Variants in TRPM3 observed in about 807,000 individuals in gnomAD.
The protein encoded by TRPM3 is long transient receptor potential channel 3.
TRPM3 carries 77 observed loss-of-function variants against 181.2 expected under a neutral mutation model. That is an observed-to-expected ratio of 0.42 (90% CI 0.35 to 0.51). The LOEUF is 0.51. Ranked by LOEUF, TRPM3 falls within the 20% of genes least tolerant of loss-of-function variation. The pLI is 0.01. For missense variants in TRPM3, 1,759 were observed against 2,196.7 expected (o/e 0.80, Z 3.98); for synonymous variants, 745 against 796.4 (o/e 0.94, Z 1.09).
chr9:71,404,822 C>T (rs772314740), intron 1 of TRPM3, among the ~76,000 whole-genome samples: 2 of 152,146 alleles, frequency 1.3e-5, no homozygotes, highest in Non-Finnish European at 2.9e-5. Context: ...AAACCAGGTC[C>T]TTTTGTACCT....
chr9:71,352,719 C>T (rs2091709389), intron 1 of TRPM3, among the ~76,000 whole-genome samples: 2 of 152,166 alleles, frequency 1.3e-5, no homozygotes, highest in African/African-American at 4.8e-5. Context: ...TTTAGTATCT[C>T]TTCCAGTTGT....
intron 1 of TRPM3, among the ~76,000 whole-genome samples, chr9:71,096,660 C>T (rs1351663979): frequency 6.7e-6 from 1 of 148,262 alleles, no homozygotes; most frequent in Non-Finnish European, 1.5e-5. Flanking sequence ...GAAGGAGGTA[C>T]AAGGTACAAG....
At chr9:70,621,018 ATAT>A (rs991008949) in intron 15 of TRPM3, among the ~76,000 whole-genome samples, 4 of 146,126 alleles carry the variant, frequency 2.7e-5, no homozygotes, top group Admixed American at 2.1e-4. Context: ...TTATATATAT[ATAT>A]TATTATATAT....
intron 1 of TRPM3, among the ~76,000 whole-genome samples, chr9:71,157,511 C>T (rs997337861): frequency 2.0e-5 from 3 of 152,036 alleles, no homozygotes; most frequent in Non-Finnish European, 2.9e-5. Context: ...AAGAGCAGGA[C>T]GAGATTAAGC....
chr9:71,116,605 G>A (rs370287958), intron 1 of TRPM3, among the ~76,000 whole-genome samples: 2 of 152,118 alleles, frequency 1.3e-5, no homozygotes, highest in African/African-American at 4.8e-5. Context: ...GGCAGAATTT[G>A]TGCTGATCTG....
At chr9:71,365,423 T>C (rs1430271759) in intron 1 of TRPM3, among the ~76,000 whole-genome samples, 1 of 152,160 alleles carries the variant, frequency 6.6e-6, no homozygotes, top group Non-Finnish European at 1.5e-5. Flanking sequence ...AACTGTTTCC[T>C]TTACCTTAAT....
intron 1 of TRPM3, among the ~76,000 whole-genome samples, chr9:71,369,266 A>G (rs1336182348): frequency 6.6e-6 from 1 of 152,160 alleles, no homozygotes; most frequent in Non-Finnish European, 1.5e-5. Context: ...GGAGGAGAAA[A>G]AAGAGGGAAA....
chr9:71,407,100 T>C (rs2131418541), intron 1 of TRPM3, among the ~76,000 whole-genome samples: 1 of 152,320 alleles, frequency 6.6e-6, no homozygotes, highest in Admixed American at 6.5e-5. Flanking sequence ...ATCAATAACT[T>C]GACTTTTGTT....
intron 1 of TRPM3, among the ~76,000 whole-genome samples, chr9:71,157,798 A>G (rs1587697642): frequency 6.6e-6 from 1 of 152,172 alleles, no homozygotes; most frequent in Non-Finnish European, 1.5e-5. Context: ...TGAGTTAAAG[A>G]TATGGTATTT....
intron 1 of TRPM3, among the ~76,000 whole-genome samples, chr9:71,195,285 C>A (rs2078276972): frequency 6.6e-6 from 1 of 151,914 alleles, no homozygotes; most frequent in South Asian, 2.1e-4. Flanking sequence ...TATCTAGCAT[C>A]TAGAAGGAAC....
chr9:71,155,177 CTT>C (rs2134656218), intron 1 of TRPM3, among the ~76,000 whole-genome samples: 1 of 152,210 alleles, frequency 6.6e-6, no homozygotes, highest in Non-Finnish European at 1.5e-5. Flanking sequence ...TACATGTAGA[CTT>C]TGTGTCTACC....
intron 1 of TRPM3, among the ~76,000 whole-genome samples, chr9:71,306,699 C>A (rs1489692164): frequency 1.3e-5 from 2 of 152,100 alleles, no homozygotes; most frequent in Admixed American, 6.5e-5. Flanking sequence ...CATGATGAAA[C>A]CCTGTCTCTA....
At position 71,399,521 on chromosome 9, in the gene TRPM3, C is replaced by CTTTTTTTTTTTTTTTTTT. The variant is rs1415739241; in HGVS notation, c.183+47131_183+47132insAAAAAAAAAAAAAAAAAA. 6.5e-5 allele frequency among the ~76,000 whole-genome samples: 7 copies of CTTTTTTTTTTTTTTTTTT among 107,520 alleles called. 2 individuals carry two copies. The highest frequency in any genetic ancestry group is 1.0e-4 in the Non-Finnish European group (5 of 49,506). The allele number at this position is 107,520 out of a possible 152,430, so 70.5% of individuals were successfully genotyped here. A position where few individuals can be genotyped will look rare whatever the true frequency, so the allele number is the denominator to read the frequency against. On this transcript the variant is annotated intron_variant, in intron 1 of 24. Coordinates refer to the TRPM3 transcript ENST00000357533. ...ATATTCATTTTACTCCTTATATTTT[C>CTTTTTTTTTTTTTTTTTT]TTTTGTTTTTTTTTTTTTTTTTTTT...
intron 1 of TRPM3, among the ~76,000 whole-genome samples, chr9:70,978,627 G>A (rs948868468): frequency 2.6e-5 from 4 of 152,166 alleles, no homozygotes; most frequent in Admixed American, 6.5e-5. Context: ...GCCTCCATGA[G>A]GAAATGTACT....
chr9:71,249,390 G>A (rs1208972256), intron 1 of TRPM3, among the ~76,000 whole-genome samples: 6 of 152,134 alleles, frequency 3.9e-5, no homozygotes, highest in Non-Finnish European at 8.8e-5. Context: ...ATCAGAGGAA[G>A]TTACATAAGC....
intron 6 of TRPM3, among the ~76,000 whole-genome samples, chr9:70,787,763 C>CTTTTTTTTTGTTTTTTTTTTTTGTTTT (rs2084043653): frequency 1.5e-5 from 1 of 68,558 alleles, no homozygotes; most frequent in African/African-American, 5.8e-5. Context: ...TTTTTGGATT[C>CTTTTTTTTTGTTTTTTTTTTTTGTTTT]TTTTTTTTTT....
chr9:71,212,333 T>C lies in TRPM3; in HGVS notation c.183+234320A>G, dbSNP rs77297579. On this transcript the variant is annotated intron_variant, in intron 1 of 24. Transcript: ENST00000357533. ...TATGTTGTCCAGGCTTGTGATTTCA[T>C]GTTCCTTATATTGAGGTTTGGTGTA... 4.2e-3 allele frequency among the ~76,000 whole-genome samples: 634 copies of C among 152,316 alleles called. 4 individuals carry two copies. The highest frequency in any genetic ancestry group is 0.015 in the African/African-American group (611 of 41,566).
At chr9:70,598,036 T>C (rs901511087) in intron 21 of TRPM3, among the ~76,000 whole-genome samples, 6 of 152,204 alleles carry the variant, frequency 3.9e-5, no homozygotes, top group Non-Finnish European at 7.3e-5. Context: ...TTTTCTGTGG[T>C]TCTGTTGTAC....
chr9:70,660,728 A>G (rs565738363), intron 9 of TRPM3, among the ~76,000 whole-genome samples: 77 of 152,260 alleles, frequency 5.1e-4, no homozygotes, highest in African/African-American at 1.8e-3. Flanking sequence ...ACCCTCCTAG[A>G]TTAATTCAGG....
Sources: gnomAD v4.1 joint callset for allele counts (sites outside exome capture counted in the v4.1 genomes callset) on GRCh38, gnomAD v4.1.1 for gene constraint, MANE v1.5 for transcripts, NCBI Gene and HGNC (gene_info 2026-07-23, HGNC 2026-07-21) for gene names.